Variants in RAB37 observed in about 807,000 individuals in gnomAD.
The protein encoded by RAB37 is RAB37, member RAS oncogene family.
In RAB37, 29 loss-of-function variants were observed where a neutral mutation model predicts 33.1. That is an observed-to-expected ratio of 0.88 (90% CI 0.65 to 1.20). RAB37 has a LOEUF of 1.20. RAB37 is among the 50% of genes most tolerant of loss of function. RAB37 has a pLI of 0.00. For synonymous variants in RAB37, 128 were observed against 119.5 expected, an observed-to-expected ratio of 1.07 and a Z score of -0.47; for missense variants, 299 against 301.1, an observed-to-expected ratio of 0.99 and a Z score of 0.05.
intron 1 of RAB37, among the ~76,000 whole-genome samples, chr17:74,698,074 A>T (rs1234297126): frequency 1.3e-5 from 2 of 152,172 alleles, no homozygotes; most frequent in African/African-American, 4.8e-5. Flanking sequence ...ACCTAAGACC[A>T]TTGCCACCTA....
intron 1 of RAB37, among the ~76,000 whole-genome samples, chr17:74,717,880 G>A (rs1317194506): frequency 6.6e-6 from 1 of 151,378 alleles, no homozygotes; most frequent in African/African-American, 2.4e-5. Flanking sequence ...TCTACCATGT[G>A]AGGACACAGC....
At chr17:74,691,069 G>A (rs1210681108) in intron 1 of RAB37, among the ~76,000 whole-genome samples, 2 of 151,930 alleles carry the variant, frequency 1.3e-5, no homozygotes, top group African/African-American at 4.8e-5. Context: ...CAGACGCCTG[G>A]CTAATTTTTT....
At chr17:74,704,542 G>A (rs553694245) in intron 1 of RAB37, 1 of 1,614,164 alleles carries the variant, frequency 6.2e-7, no homozygotes. Context: ...TTCCACACCA[G>A]TAAGTGTCAG....
At chr17:74,708,839 C>CG (rs549584020) in intron 1 of RAB37, among the ~76,000 whole-genome samples, 20 of 149,748 alleles carry the variant, frequency 1.3e-4, no homozygotes, top group Non-Finnish European at 2.2e-4. Context: ...GACGTGAACC[C>CG]GGGGGGGCGG....
chr17:74,687,233 T>C (rs1319503388), intron 1 of RAB37, among the ~76,000 whole-genome samples: 1 of 151,936 alleles, frequency 6.6e-6, no homozygotes, highest in African/African-American at 2.4e-5. Flanking sequence ...TTTATTTATT[T>C]ATTTATTTGA....
intron 1 of RAB37, chr17:74,713,018 G>T: frequency 1.2e-6 from 1 of 828,440 alleles, no homozygotes; most frequent in Non-Finnish European, 1.9e-6. Context: ...AGAGGAAGGA[G>T]GTGGTTGGTT....
Position 74,728,494 on chromosome 17 carries a change from G to A in RAB37, c.73-762G>A, listed in dbSNP as rs568936442. On this transcript the variant is annotated intron_variant, in intron 1 of 7. Coordinates refer to the RAB37 transcript ENST00000340415. Reference sequence around the variant, plus strand: ...TATACGTGTGTTTCTGTGTGTACACGTTTTTGTGTCTGTGTGTGCATGTGT... The same window carrying A: ...TATACGTGTGTTTCTGTGTGTACACATTTTTGTGTCTGTGTGTGCATGTGT... Among the ~76,000 whole-genome samples the A allele has an allele frequency of 2.6e-5, 4 of 151,580 alleles. No individual in the cohort carries two copies. The East Asian group carries it at 5.8e-4, about 22-fold the overall frequency.
upstream of RAB37, among the ~76,000 whole-genome samples, chr17:74,732,812 T>C (rs533573077): frequency 3.1e-4 from 47 of 151,228 alleles, 1 homozygote; most frequent in South Asian, 9.7e-3. Flanking sequence ...TGGCGTGATT[T>C]GAGGTGTGTG....
At chr17:74,701,189 C>G (rs769829015) in intron 1 of RAB37, among the ~76,000 whole-genome samples, 4 of 152,242 alleles carry the variant, frequency 2.6e-5, no homozygotes, top group Non-Finnish European at 4.4e-5. Flanking sequence ...TCTCCTTCAT[C>G]ACTGGATGTG....
At position 74,718,645 on chromosome 17, in the gene RAB37, C is replaced by T. The variant is rs552678990; in HGVS notation, c.73-10611C>T. ...ATCCCCTTAGCTTTCATCAGATTCCCCAGTGCAATGCACCTCCTCAACACA... is the reference window on the plus strand; with the variant it reads ...ATCCCCTTAGCTTTCATCAGATTCCTCAGTGCAATGCACCTCCTCAACACA... On this transcript the variant is annotated intron_variant, in intron 1 of 7. Transcript: ENST00000340415. Among the ~76,000 whole-genome samples, 6 of 152,308 alleles carry T rather than the reference C, an allele frequency of 3.9e-5. No homozygotes were observed. In the South Asian group the frequency reaches 1.2e-3, roughly 32 times the overall value.
chr17:74,697,919 C>G (rs2032653742), intron 1 of RAB37, among the ~76,000 whole-genome samples: 1 of 152,106 alleles, frequency 6.6e-6, no homozygotes, highest in Non-Finnish European at 1.5e-5. Context: ...AGTGTGTGTG[C>G]CCATGATCGC....
Position 74,742,473 on chromosome 17 carries a change from C to A in RAB37, c.246+178C>A, listed in dbSNP as rs2092541621. Among the ~76,000 whole-genome samples the A allele has an allele frequency of 1.3e-5, 2 of 152,164 alleles. No individual in the cohort carries two copies. Among genetic ancestry groups the A allele is most frequent in the Non-Finnish European group, 2.9e-5 (2 of 68,024 alleles). ...GCAGAAAAAGCAGTTCCCAGGCACC[C>A]TCTCATCTATGAACAGCAGCTCCAA... is the stretch of plus-strand genomic sequence containing the variant. On this transcript the variant is annotated intron_variant, in intron 3 of 8. Coordinates refer to ENST00000392613, the MANE Select transcript of RAB37 (RefSeq NM_001006638.3). The surrounding 1 kb of genome is among the most constrained non-coding windows in gnomAD (Gnocchi z 4.0).
At chr17:74,679,073 T>G (rs566103702) in intron 1 of RAB37, among the ~76,000 whole-genome samples, 1 of 149,626 alleles carries the variant, frequency 6.7e-6, no homozygotes, top group Admixed American at 6.7e-5. Context: ...ATCGCACCAC[T>G]GCACTCCAGC....
At chr17:74,736,457 A>T (rs1245079953), upstream of RAB37, 22 of 1,268,386 alleles carry the variant, frequency 1.7e-5, no homozygotes, top group Non-Finnish European at 2.2e-5. Flanking sequence ...ATATCCTGGC[A>T]GCTCTGCTCA....
chr17:74,724,880 G>A (rs953482766), intron 1 of RAB37, among the ~76,000 whole-genome samples: 1 of 152,106 alleles, frequency 6.6e-6, no homozygotes, highest in African/African-American at 2.4e-5. Flanking sequence ...GGATGTATAC[G>A]TGCAGGTCAC....
At chr17:74,678,581 T>A (rs898736574) in intron 1 of RAB37, among the ~76,000 whole-genome samples, 1 of 152,228 alleles carries the variant, frequency 6.6e-6, no homozygotes, top group African/African-American at 2.4e-5. Flanking sequence ...CTTTTGCAAA[T>A]GCACATGCTT....
At chr17:74,704,664 C>T (rs1331895400) in intron 1 of RAB37, 1 of 1,614,198 alleles carries the variant, frequency 6.2e-7, no homozygotes, top group African/African-American at 1.3e-5. Flanking sequence ...CTGGTTTTAA[C>T]AAGGATCTTG....
At position 74,747,183 on chromosome 17, in the gene RAB37, C is replaced by T. The variant is rs1293830348; in HGVS notation, c.*1772C>T. 1 of 152,206 alleles carries T rather than the reference C, an allele frequency of 6.6e-6. No homozygotes were observed. Among genetic ancestry groups the T allele is most frequent in the Non-Finnish European group, 1.5e-5 (1 of 68,064 alleles). The allele number at this position is 152,206 out of a possible 1,614,324, so 9.4% of individuals were successfully genotyped here. A position where few individuals can be genotyped will look rare whatever the true frequency, so the allele number is the denominator to read the frequency against. On this transcript the variant is annotated 3_prime_UTR_variant, in exon 9 of 9. Transcript: ENST00000392613. Reference sequence around the variant, plus strand: ...AGTTTGGGCCCGATAAGGAAGTTCTCCGTGGCCTCCCTCAGGCAGAGCAGG... The same window carrying T: ...AGTTTGGGCCCGATAAGGAAGTTCTTCGTGGCCTCCCTCAGGCAGAGCAGG...
chr17:74,721,041 T>C (rs1476266828), intron 1 of RAB37, among the ~76,000 whole-genome samples: 1 of 152,216 alleles, frequency 6.6e-6, no homozygotes, highest in East Asian at 1.9e-4. Context: ...ACTCTTGACG[T>C]TCAGCTGCTT....
Sources: gnomAD v4.1 joint callset for allele counts (sites outside exome capture counted in the v4.1 genomes callset) on GRCh38, gnomAD v4.1.1 for gene constraint, Gnocchi (gnomAD v3.1) non-coding constraint, MANE v1.5 for transcripts, NCBI Gene and HGNC (gene_info 2026-07-23, HGNC 2026-07-21) for gene names.